PSMA1: variants seen among roughly 807,000 people sequenced by gnomAD.
PSMA1 encodes the protein proteasome subunit alpha type-1.
PSMA1 carries 3 observed loss-of-function variants against 38.4 expected under a neutral mutation model. That is an observed-to-expected ratio of 0.08 (90% CI 0.04 to 0.20). The LOEUF is 0.20. Among genes scored for constraint, PSMA1 ranks in the 10% least tolerant of loss-of-function variants. PSMA1 has a pLI of 1.00. For missense variants in PSMA1, 227 were observed against 325.3 expected, an observed-to-expected ratio of 0.70 and a Z score of 2.32; for synonymous variants, 101 against 107.1, an observed-to-expected ratio of 0.94 and a Z score of 0.35.
rs565676705 is a variant in PSMA1 at position 14,605,677 on chromosome 11, G to A, written c.21+5289C>T. Among the ~76,000 whole-genome samples the A allele has an allele frequency of 2.2e-4, 33 of 152,326 alleles. No individual in the cohort carries two copies. In the South Asian group the frequency reaches 6.2e-3, roughly 29 times the overall value. ...GCTGGGATTATAGGCATGAGCTACT[G>A]TGCCTGGCTTCTTTTGCCTATTTTT... On this transcript the variant is annotated intron_variant, in intron 2 of 10. Coordinates refer to the PSMA1 transcript ENST00000418988.
At chr11:14,580,217 C>G (rs1661019215) in intron 2 of PSMA1, among the ~76,000 whole-genome samples, 1 of 152,212 alleles carries the variant, frequency 6.6e-6, no homozygotes, top group Non-Finnish European at 1.5e-5. Context: ...AAGCTGGCTT[C>G]TACCTACTAT....
At position 14,526,188 on chromosome 11, in the gene PSMA1, C is replaced by G. The variant is rs554128086; in HGVS notation, c.22-7147G>C. Among the ~76,000 whole-genome samples the G allele has an allele frequency of 3.3e-5, 5 of 152,240 alleles. No homozygotes were observed. The South Asian group carries it at 8.3e-4, about 25-fold the overall frequency. On this transcript the variant is annotated intron_variant, in intron 2 of 10. Coordinates refer to the PSMA1 transcript ENST00000418988. ...GTTGGATACTTTCGCCTTTGGATACCTGGTTTTGCCATCCTAACAAAACCA... is the reference window on the plus strand; with the variant it reads ...GTTGGATACTTTCGCCTTTGGATACGTGGTTTTGCCATCCTAACAAAACCA...
At chr11:14,596,803 G>C (rs184994893) in intron 2 of PSMA1, among the ~76,000 whole-genome samples, 1,624 of 152,274 alleles carry the variant, frequency 0.011, 7 homozygotes, top group Admixed American at 0.015. Context: ...TGGTGAGAGA[G>C]GGCATCCCTG....
At chr11:14,580,914 T>C (rs570054829) in intron 2 of PSMA1, among the ~76,000 whole-genome samples, 1 of 152,348 alleles carries the variant, frequency 6.6e-6, no homozygotes, top group East Asian at 1.9e-4. Context: ...TGAAGTGGAA[T>C]CGTGTTGGGA....
chr11:14,617,884 G>C (rs1414315422), intron 1 of PSMA1, among the ~76,000 whole-genome samples: 1 of 152,112 alleles, frequency 6.6e-6, no homozygotes, highest in African/African-American at 2.4e-5. Flanking sequence ...GGAGAGAGAA[G>C]TACAGTGTGG....
At chr11:14,638,543 CTCTATA>C (rs1302068632) in intron 1 of PSMA1, among the ~76,000 whole-genome samples, 30 of 13,302 alleles carry the variant, frequency 2.3e-3, no homozygotes, top group Non-Finnish European at 3.4e-3. Flanking sequence ...CTCTCTCTCT[CTCTATA>C]TATATATATA....
intron 2 of PSMA1, among the ~76,000 whole-genome samples, chr11:14,532,673 C>A (rs1436861351): frequency 1.5e-5 from 2 of 132,818 alleles, no homozygotes; most frequent in Non-Finnish European, 3.2e-5. Context: ...ATTGGCCAGG[C>A]TAGGTGGCTC....
At chr11:14,516,745 G>A (rs545852821) in intron 4 of PSMA1, among the ~76,000 whole-genome samples, 18 of 152,190 alleles carry the variant, frequency 1.2e-4, no homozygotes, top group Admixed American at 2.6e-4. Context: ...GGCCAACATG[G>A]CGAAACCCCG....
At chr11:14,511,412 T>A in intron 7 of PSMA1, among the ~76,000 whole-genome samples, 1 of 151,412 alleles carries the variant, frequency 6.6e-6, no homozygotes, top group Non-Finnish European at 1.5e-5. Flanking sequence ...AACAAAACCC[T>A]CAACAAAAAC....
chr11:14,553,160 C>T (rs1333234786), intron 2 of PSMA1, among the ~76,000 whole-genome samples: 1 of 151,994 alleles, frequency 6.6e-6, no homozygotes, highest in African/African-American at 2.4e-5. Flanking sequence ...TTTTTGGAAA[C>T]TTTTTATTTT....
intron 2 of PSMA1, among the ~76,000 whole-genome samples, chr11:14,550,613 C>A (rs529415428): frequency 6.6e-6 from 1 of 151,852 alleles, no homozygotes; most frequent in Admixed American, 6.6e-5. Context: ...AGAAAAAAAA[C>A]ATTGAAAAGA....
chr11:14,575,241 T>TA (rs1031260682), intron 2 of PSMA1, among the ~76,000 whole-genome samples: 2 of 152,192 alleles, frequency 1.3e-5, no homozygotes, highest in Non-Finnish European at 2.9e-5. Flanking sequence ...TTTCTTTTTT[T>TA]AAATTTTAAA....
At chr11:14,595,718 T>TAGTTTCG (rs1248966610) in intron 2 of PSMA1, among the ~76,000 whole-genome samples, 1 of 152,258 alleles carries the variant, frequency 6.6e-6, no homozygotes, top group Non-Finnish European at 1.5e-5. Flanking sequence ...TGGTAGTTTC[T>TAGTTTCG]TTTGCTGTGC....
chr11:14,587,583 T>C (rs1195816028), intron 2 of PSMA1, among the ~76,000 whole-genome samples: 1 of 151,906 alleles, frequency 6.6e-6, no homozygotes, highest in African/African-American at 2.4e-5. Flanking sequence ...CTGAAAGACC[T>C]GTTTTTTTTT....
chr11:14,627,828 C>T (rs1852934133), intron 1 of PSMA1, among the ~76,000 whole-genome samples: 1 of 152,138 alleles, frequency 6.6e-6, no homozygotes, highest in African/African-American at 2.4e-5. Flanking sequence ...GCAATGCCAT[C>T]CTCTCTTATA....
chr11:14,609,311 G>GATTC (rs1251824777), intron 2 of PSMA1, among the ~76,000 whole-genome samples: 1 of 152,098 alleles, frequency 6.6e-6, no homozygotes, highest in Non-Finnish European at 1.5e-5. Flanking sequence ...GTCTCATCAG[G>GATTC]ATTCATTCAT....
At chr11:14,592,207 C>G (rs973191503) in intron 2 of PSMA1, among the ~76,000 whole-genome samples, 12 of 152,148 alleles carry the variant, frequency 7.9e-5, no homozygotes, top group African/African-American at 2.6e-4. Context: ...TAACACTCAC[C>G]GCGAGGGTCC....
chr11:14,604,145 C>T lies in PSMA1; in HGVS notation c.21+6821G>A, dbSNP rs1019067871. On this transcript the variant is annotated intron_variant, in intron 2 of 10. Transcript: ENST00000418988. The stretch of plus-strand genomic sequence containing the variant: ...TTCATTCTTAGCTCACTGCAGCCTC[C>T]ACCTCCTGGGTTCAAGTGATTATCC... Among the ~76,000 whole-genome samples the T allele has an allele frequency of 3.9e-5, 6 of 152,260 alleles. No homozygotes were observed. The East Asian group carries it at 1.2e-3, about 29-fold the overall frequency.
At chr11:14,632,092 C>T (rs1853024983) in intron 1 of PSMA1, among the ~76,000 whole-genome samples, 2 of 140,606 alleles carry the variant, frequency 1.4e-5, no homozygotes, top group Non-Finnish European at 3.1e-5. Flanking sequence ...CTGAATACAG[C>T]ACACTGATGG....
Sources: allele counts gnomAD v4.1 joint callset (sites outside exome capture counted in the v4.1 genomes callset), GRCh38; gene constraint gnomAD v4.1.1; transcripts MANE v1.5; gene names NCBI Gene and HGNC (gene_info 2026-07-23, HGNC 2026-07-21).